Variants in AGAP6 observed in about 807,000 individuals in gnomAD.
AGAP6 encodes the protein ArfGAP with GTPase domain, ankyrin repeat and PH domain 6, also known as arf-GAP with GTPase, ANK repeat and PH domain-containing protein 6.
AGAP6 carries 29 observed loss-of-function variants against 63.9 expected under a neutral mutation model. The ratio of observed to expected loss-of-function variants is 0.45; its 90% CI spans 0.34 to 0.62. AGAP6 has a LOEUF of 0.62. Among genes scored for constraint, AGAP6 ranks in the 20% least tolerant of loss-of-function variants. The pLI is 0.01. For synonymous variants in AGAP6, 199 were observed against 332.9 expected, an observed-to-expected ratio of 0.60 and a Z score of 4.38; for missense variants, 493 against 884.9, an observed-to-expected ratio of 0.56 and a Z score of 5.62.
chr10:50,005,950 C>A (rs1475920316), intron 6 of AGAP6, among the ~76,000 whole-genome samples: 6 of 148,344 alleles, frequency 4.0e-5, no homozygotes, highest in African/African-American at 1.5e-4. Context: ...ATAAGATGAC[C>A]TAACCTCATG....
intron 4 of AGAP6, among the ~76,000 whole-genome samples, chr10:49,996,758 A>G (rs561278609): frequency 1.4e-4 from 20 of 138,396 alleles, no homozygotes; most frequent in Non-Finnish European, 2.5e-4. Flanking sequence ...TTTTTTTTTC[A>G]CATTTTACCC....
chr10:50,004,861 T>A (rs1221848044), intron 6 of AGAP6, 141 bp downstream of exon 6: 1 of 1,168,350 alleles, frequency 8.6e-7, no homozygotes, highest in Non-Finnish European at 1.2e-6. Flanking sequence ...GTATTTTCTT[T>A]GTTCCTTAAG....
intron 4 of AGAP6, among the ~76,000 whole-genome samples, chr10:49,998,989 G>T (rs1841597117): frequency 7.1e-6 from 1 of 141,178 alleles, no homozygotes; most frequent in Admixed American, 7.8e-5. Flanking sequence ...TGAGGGAGAC[G>T]GATCATGAGG....
chr10:49,999,538 C>A (rs1554862619), intron 4 of AGAP6, among the ~76,000 whole-genome samples: 1 of 131,294 alleles, frequency 7.6e-6, no homozygotes, highest in Non-Finnish European at 1.6e-5. Flanking sequence ...GAAAGCATTC[C>A]CCCCGAGAAC....
intron 5 of AGAP6, among the ~76,000 whole-genome samples, chr10:50,003,524 C>CT (rs201529773): frequency 0.017 from 2,578 of 152,278 alleles, 33 homozygotes; most frequent in African/African-American, 0.032. Context: ...CCAGAAGATT[C>CT]TGATTTTCAC....
intron 4 of AGAP6, among the ~76,000 whole-genome samples, chr10:49,996,218 G>C (rs4043238): frequency 2.6e-5 from 4 of 151,790 alleles, no homozygotes; most frequent in Non-Finnish European, 5.9e-5. Context: ...ATTGAATTTT[G>C]TAATTTTTGG....
intron 6 of AGAP6, among the ~76,000 whole-genome samples, chr10:50,006,662 C>T (rs1461013659): frequency 1.3e-5 from 2 of 151,974 alleles, no homozygotes; most frequent in African/African-American, 2.4e-5. Context: ...ATTTTACAGG[C>T]GTGAGCCACT....
rs1469261173 is a variant in AGAP6 at position 50,008,956 on chromosome 10, G to T, written c.831G>T (p.Gly277=). 3.1e-6 allele frequency: 5 copies of T among 1,613,834 alleles called. No homozygotes were observed. Among genetic ancestry groups the T allele is most frequent in the Non-Finnish European group, 4.2e-6 (5 of 1,179,906 alleles). The change falls in exon 8 of 8, where the codon GGG becomes GGT. Residue 277 remains glycine, a synonymous_variant. Coordinates refer to ENST00000412531, the MANE Select transcript of AGAP6 (RefSeq NM_001077665.3). ...KAPENHADTI[G]SGRAIPIKQG... The stretch of plus-strand genomic sequence containing the variant: ...CGGAGAATCATGCTGACACCATCGG[G>T]AGCGGTAGAGCCATCCCCATTAAAC...
Position 50,009,721 on chromosome 10 carries a change from G to A in AGAP6, c.1596G>A (p.Met532Ile), listed in dbSNP as rs1445124371. ...GGCCAGTTGAGCTCAGGAAGGTTAT[G>A]TCATCTATTGTCAATGACCTAGCCA... ...DDWPVELRKV[M>I]SSIVNDLANS... Residue 532 changes from methionine to isoleucine, a missense_variant, in exon 8 of 8, where the codon ATG (methionine) becomes ATA (isoleucine). Coordinates refer to ENST00000412531, the MANE Select transcript of AGAP6 (RefSeq NM_001077665.3). 6.2e-7 allele frequency: 1 copy of A among 1,614,152 alleles called. No homozygotes were observed. The highest frequency in any genetic ancestry group is 8.5e-7 in the Non-Finnish European group (1 of 1,180,018).
intron 4 of AGAP6, among the ~76,000 whole-genome samples, chr10:50,001,327 C>G (rs1841686411): frequency 6.7e-6 from 1 of 149,306 alleles, no homozygotes; most frequent in Non-Finnish European, 1.5e-5. Context: ...GAGACTCCGT[C>G]TCAAAAATAA....
intron 4 of AGAP6, among the ~76,000 whole-genome samples, chr10:49,999,852 A>T (rs1242729779): frequency 7.1e-6 from 1 of 141,292 alleles, no homozygotes; most frequent in Non-Finnish European, 1.5e-5. Flanking sequence ...CCAAGAACTC[A>T]ACCCCTTTTC....
chr10:50,007,967 C>G lies in AGAP6; in HGVS notation c.534-58C>G, dbSNP rs1331569951. On this transcript the variant is annotated intron_variant, in intron 6 of 7. Transcript: ENST00000412531. ...ACACAGGAGGCAGTATTTTACTAAA[C>G]AAATATTATACTAAGATATTAACAG... The G allele has an allele frequency of 2.5e-6, 4 of 1,610,624 alleles. No individual in the cohort carries two copies. In the African/African-American group the frequency reaches 5.3e-5, roughly 22 times the overall value.
At chr10:49,997,284 A>G (rs1237324050) in intron 4 of AGAP6, among the ~76,000 whole-genome samples, 1 of 152,176 alleles carries the variant, frequency 6.6e-6, no homozygotes, top group Non-Finnish European at 1.5e-5. Flanking sequence ...GTTAAATAAG[A>G]TTTGTTCATT....
Position 49,988,939 on chromosome 10 carries a change from G to A in AGAP6, c.223+1G>A, listed in dbSNP as rs782036782. ...GTTCGTGACCGGGAGATGCCTGAAG[G>A]TGAGGAGGTGATAGGTGCCATCTAC... On this transcript the variant is annotated splice_donor_variant, in intron 1 of 7. Transcript: ENST00000412531. LOFTEE classifies it high-confidence loss of function. 16 of 1,601,490 alleles carry A rather than the reference G, an allele frequency of 1.0e-5. No homozygotes were observed. Among genetic ancestry groups the A allele is most frequent in the African/African-American group, 1.3e-5 (1 of 74,764 alleles).
chr10:50,001,436 T>TC (rs1241262853), intron 4 of AGAP6, among the ~76,000 whole-genome samples: 3 of 134,340 alleles, frequency 2.2e-5, no homozygotes, highest in Admixed American at 7.5e-5. Context: ...TTTTTTTTTT[T>TC]TGAGACGGAG....
Position 49,996,740 on chromosome 10 carries a change from CT to C in AGAP6, c.396+2327del, listed in dbSNP as rs541201709. On this transcript the variant is annotated intron_variant, in intron 4 of 7. Transcript: ENST00000412531. ...AGAGATTTGCAACTGACCTTGCTGGCTTTTTTTTTTTTTTTTCACATTTTAC... is the reference window on the plus strand; with the variant it reads ...AGAGATTTGCAACTGACCTTGCTGGCTTTTTTTTTTTTTTTCACATTTTAC... Among the ~76,000 whole-genome samples, 296 of 126,960 alleles carry C rather than the reference CT, an allele frequency of 2.3e-3. 2 individuals are homozygous for C. Among genetic ancestry groups the C allele is most frequent in the African/African-American group, 6.4e-3 (220 of 34,602 alleles). The allele number at this position is 126,960 out of a possible 152,430, so 83.3% of individuals were successfully genotyped here.
chr10:50,004,804 C>T, intron 6 of AGAP6, 84 bp downstream of exon 6: 1 of 610,802 alleles, frequency 1.6e-6, no homozygotes, highest in East Asian at 2.7e-5. Flanking sequence ...CAGCTCTAGA[C>T]ATCATAAGCT....
intron 4 of AGAP6, among the ~76,000 whole-genome samples, chr10:50,001,340 A>T (rs1219561484): frequency 4.8e-5 from 7 of 146,936 alleles, no homozygotes; most frequent in African/African-American, 1.3e-4. Flanking sequence ...AAAAATAAAT[A>T]AATTAATTAA....
intron 4 of AGAP6, among the ~76,000 whole-genome samples, chr10:49,995,674 G>A (rs1439975298): frequency 7.2e-5 from 11 of 152,138 alleles, no homozygotes; most frequent in Non-Finnish European, 1.6e-4. Context: ...CTGCTGTCTT[G>A]TGTGGGATCG....
Sources: allele counts gnomAD v4.1 joint callset (sites outside exome capture counted in the v4.1 genomes callset), GRCh38; gene constraint gnomAD v4.1.1; transcripts MANE v1.5; gene names NCBI Gene and HGNC (gene_info 2026-07-23, HGNC 2026-07-21).